COX16: variants seen among roughly 807,000 people sequenced by gnomAD.
The protein encoded by COX16 is cytochrome c oxidase assembly factor COX16.
In COX16, 12 loss-of-function variants were observed where a neutral mutation model predicts 15.4. That is an observed-to-expected ratio of 0.78 (90% CI 0.50 to 1.26). The LOEUF is 1.26. COX16 is among the 50% of genes most tolerant of loss of function. COX16 has a pLI of 0.00. For synonymous variants in COX16, 46 were observed against 41.1 expected (o/e 1.12, Z -0.46); for missense variants, 124 against 127.6 (o/e 0.97, Z 0.14).
intron 1 of COX16, among the ~76,000 whole-genome samples, chr14:70,345,091 C>T (rs541998447): frequency 2.6e-5 from 4 of 152,164 alleles, no homozygotes; most frequent in East Asian, 1.9e-4. Flanking sequence ...GTGAACCTAC[C>T]CCTCCACCCC....
chr14:70,359,679 T>C lies in COX16; in HGVS notation c.-92A>G, dbSNP rs547985576. On this transcript the variant is annotated 5_prime_UTR_variant, in exon 1 of 4. Transcript: ENST00000389912. ...TCACGCTCTCACCAAGACGAGTACG[T>C]CCTTAACTCACTTCCTTTTCCTTGG... The C allele has an allele frequency of 6.5e-5, 72 of 1,111,196 alleles. No homozygotes were observed. The African/African-American group carries it at 1.1e-3, about 17-fold the overall frequency. 68.8% of individuals were successfully genotyped at this position (1,111,196 alleles called of 1,614,324 possible). A position where few individuals can be genotyped will look rare whatever the true frequency, so the allele number is the denominator to read the frequency against.
intron 1 of COX16, among the ~76,000 whole-genome samples, chr14:70,358,844 CA>C (rs1887210552): frequency 6.6e-6 from 1 of 152,202 alleles, no homozygotes; most frequent in Non-Finnish European, 1.5e-5. Flanking sequence ...GCCTGCATTT[CA>C]TGACATCCTT....
At chr14:70,332,990 G>A (rs751076880) in intron 2 of COX16, among the ~76,000 whole-genome samples, 2 of 152,148 alleles carry the variant, frequency 1.3e-5, no homozygotes, top group Non-Finnish European at 1.5e-5. Context: ...TAAGACTCAC[G>A]GCAAGCCTGG....
chr14:70,353,487 CAT>C (rs1294217933), intron 1 of COX16, among the ~76,000 whole-genome samples: 3 of 133,858 alleles, frequency 2.2e-5, no homozygotes, highest in Non-Finnish European at 5.1e-5. Context: ...TACACACACA[CAT>C]AGAGATAGAT....
chr14:70,329,840 A>G (rs1473920524), intron 2 of COX16, among the ~76,000 whole-genome samples: 1 of 152,058 alleles, frequency 6.6e-6, no homozygotes, highest in Non-Finnish European at 1.5e-5. Flanking sequence ...GCTGAAATCA[A>G]TAAACAACAA....
chr14:70,329,717 C>T (rs983606610), intron 2 of COX16, among the ~76,000 whole-genome samples: 4 of 94,402 alleles, frequency 4.2e-5, no homozygotes, highest in African/African-American at 1.5e-4. Context: ...AAGTAGATAT[C>T]TACCAAAAAA....
At chr14:70,343,585 T>G (rs934725048) in intron 1 of COX16, among the ~76,000 whole-genome samples, 1 of 152,208 alleles carries the variant, frequency 6.6e-6, no homozygotes, top group African/African-American at 2.4e-5. Flanking sequence ...TGCAGAATAT[T>G]CTGTATATCA....
intron 3 of COX16, 68 bp downstream of exon 3, chr14:70,329,103 CTAA>C (rs1311310107): frequency 6.9e-7 from 1 of 1,452,092 alleles, no homozygotes; most frequent in Non-Finnish European, 9.3e-7. Flanking sequence ...TTCTGTACTA[CTAA>C]TACTTTTAAG....
intron 2 of COX16, among the ~76,000 whole-genome samples, chr14:70,331,007 T>A (rs1886270127): frequency 6.6e-6 from 1 of 152,106 alleles, no homozygotes; most frequent in Non-Finnish European, 1.5e-5. Context: ...TAAAATATAT[T>A]GTATTGAACT....
chr14:70,329,183 C>T lies in COX16; in HGVS notation c.195G>A (p.Ser65=), dbSNP rs372378281. ...TATTAACATACCGTACCTCATATTC[C>T]GACTCTAAAGATATTTTATTCTCTT... The part of the protein sequence containing the change: ...KLKENKISLE[S]EYEKIKDSKF... The change falls in exon 3 of 4, where the codon TCG becomes TCA. Residue 65 remains serine, a synonymous_variant. Coordinates refer to ENST00000389912, the MANE Select transcript of COX16 (RefSeq NM_016468.7). 105 of 1,588,980 alleles carry T rather than the reference C, an allele frequency of 6.6e-5. No individual in the cohort carries two copies. The Admixed American group carries it at 9.4e-4, about 14-fold the overall frequency.
At chr14:70,353,481 C>A (rs563811854) in intron 1 of COX16, among the ~76,000 whole-genome samples, 1 of 139,788 alleles carries the variant, frequency 7.2e-6, no homozygotes, top group South Asian at 2.4e-4. Flanking sequence ...TATACATACA[C>A]ACACACATAG....
At chr14:70,339,703 C>T (rs1431466839) in intron 2 of COX16, among the ~76,000 whole-genome samples, 1 of 152,174 alleles carries the variant, frequency 6.6e-6, no homozygotes, top group Non-Finnish European at 1.5e-5. Flanking sequence ...CTTAACTCCT[C>T]TCAACATTAC....
intron 1 of COX16, among the ~76,000 whole-genome samples, chr14:70,348,579 C>T (rs1324278175): frequency 6.6e-6 from 1 of 152,114 alleles, no homozygotes; most frequent in Admixed American, 6.5e-5. Flanking sequence ...CCCCCTCACA[C>T]ACACTACTGA....
chr14:70,335,870 A>AT (rs1298640881), intron 2 of COX16, among the ~76,000 whole-genome samples: 4 of 152,218 alleles, frequency 2.6e-5, no homozygotes, highest in South Asian at 4.1e-4. Flanking sequence ...AATATATATA[A>AT]TTCCACTGAT....
chr14:70,339,080 A>G (rs1394949985), intron 2 of COX16, among the ~76,000 whole-genome samples: 1 of 152,236 alleles, frequency 6.6e-6, no homozygotes, highest in Non-Finnish European at 1.5e-5. Flanking sequence ...AATATTTATA[A>G]TGTTAAAAAT....
At position 70,342,684 on chromosome 14, in the gene COX16, T is replaced by G; in HGVS notation, c.115A>C (p.Ile39Leu). 6.2e-7 allele frequency: 1 copy of G among 1,613,144 alleles called. No homozygotes were observed. Residue 39 changes from isoleucine (I) to leucine (L), a missense_variant, in exon 2 of 4, where the codon ATC (isoleucine) becomes CTC (leucine). Transcript: ENST00000389912. ...GSFGLREFSQ[I>L]RYDAVKSKMD... ...TTACTCTTCACAGCATCATATCGGATTTGAGAAAACTCACGAAGACCAAAA... is the reference window on the plus strand; with the variant it reads ...TTACTCTTCACAGCATCATATCGGAGTTGAGAAAACTCACGAAGACCAAAA...
At chr14:70,345,022 G>C (rs933612873) in intron 1 of COX16, among the ~76,000 whole-genome samples, 3 of 152,082 alleles carry the variant, frequency 2.0e-5, no homozygotes, top group South Asian at 4.1e-4. Context: ...GGTTCCAACC[G>C]ATACAAGAAC....
intron 1 of COX16, among the ~76,000 whole-genome samples, chr14:70,345,979 C>T (rs879520197): frequency 8.6e-5 from 13 of 152,040 alleles, no homozygotes; most frequent in Non-Finnish European, 1.8e-4. Context: ...TCTTTTCCTA[C>T]ACCATCCCCT....
At chr14:70,341,079 T>C (rs1886610302) in intron 2 of COX16, among the ~76,000 whole-genome samples, 1 of 152,200 alleles carries the variant, frequency 6.6e-6, no homozygotes, top group Non-Finnish European at 1.5e-5. Flanking sequence ...TTTTCAAATA[T>C]ATACTTATTT....
Sources: allele counts gnomAD v4.1 joint callset (sites outside exome capture counted in the v4.1 genomes callset), GRCh38; gene constraint gnomAD v4.1.1; transcripts MANE v1.5; gene names NCBI Gene and HGNC (gene_info 2026-07-23, HGNC 2026-07-21).